Variants in OR3A2 observed in about 807,000 individuals in gnomAD.
OR3A2 encodes olfactory receptor family 3 subfamily A member 2.
For missense variants in OR3A2, 318 were observed against 392.8 expected, an observed-to-expected ratio of 0.81 and a Z score of 1.61; for synonymous variants, 126 against 159.3, an observed-to-expected ratio of 0.79 and a Z score of 1.57.
chr17:3,347,227 T>C (rs1299480966), intron 2 of OR3A2, among the ~76,000 whole-genome samples: 2 of 98,112 alleles, frequency 2.0e-5, no homozygotes, highest in South Asian at 4.7e-4. Context: ...CTGTTTGCCA[T>C]TTGTATGTCT....
chr17:3,334,504 C>T (rs951502317), intron 3 of OR3A2, among the ~76,000 whole-genome samples: 1 of 152,134 alleles, frequency 6.6e-6, no homozygotes, highest in Non-Finnish European at 1.5e-5. Context: ...GAATAATATT[C>T]CATCACTGTA....
At chr17:3,348,925 C>T in intron 2 of OR3A2, among the ~76,000 whole-genome samples, 1 of 151,954 alleles carries the variant, frequency 6.6e-6, no homozygotes, top group East Asian at 1.9e-4. Context: ...CATATCCAGC[C>T]AAACTAAGCT....
chr17:3,323,663 C>T (rs1194149479), intron 3 of OR3A2, among the ~76,000 whole-genome samples: 4 of 151,910 alleles, frequency 2.6e-5, no homozygotes, highest in East Asian at 1.9e-4. Flanking sequence ...AATTCTTTTC[C>T]TTAAGAATGT....
At chr17:3,342,057 G>A (rs113236324) in intron 2 of OR3A2, among the ~76,000 whole-genome samples, 6,020 of 152,016 alleles carry the variant, frequency 0.04, 245 homozygotes, top group African/African-American at 0.098. Context: ...TGATCAAATC[G>A]GCTACTGAAG....
In OR3A2 at chr17:3,313,925, A is replaced by G. The variant is rs186072815; in HGVS notation, c.-85+22108T>C. Among the ~76,000 whole-genome samples, 16 of 152,346 alleles carry G rather than the reference A, an allele frequency of 1.1e-4. No individual in the cohort carries two copies. The East Asian group carries it at 2.9e-3, about 28-fold the overall frequency. The stretch of plus-strand genomic sequence containing the variant: ...ACTTATGATAAGAAATTTGTCTTCC[A>G]CATAGGAAGTCAGTGAAACTGCTAG... On this transcript the variant is annotated intron_variant, in intron 3 of 4. Transcript: ENST00000573491.
upstream of OR3A2, among the ~76,000 whole-genome samples, chr17:3,285,849 G>A (rs2048805485): frequency 6.6e-6 from 1 of 152,196 alleles, no homozygotes. Flanking sequence ...TGTTTGTCAT[G>A]TACATGGTAA....
intron 3 of OR3A2, among the ~76,000 whole-genome samples, chr17:3,332,408 T>C (rs2049243910): frequency 6.6e-6 from 1 of 152,168 alleles, no homozygotes; most frequent in African/African-American, 2.4e-5. Context: ...GGATATAATC[T>C]CATGGTGTGC....
chr17:3,342,830 C>T (rs911724585), intron 2 of OR3A2, among the ~76,000 whole-genome samples: 3 of 152,216 alleles, frequency 2.0e-5, no homozygotes, highest in South Asian at 4.1e-4. Flanking sequence ...CAGACAGGGA[C>T]GTTTAAGTCT....
chr17:3,369,805 C>CTTT (rs35233474), intron 2 of OR3A2, among the ~76,000 whole-genome samples: 5,721 of 134,608 alleles, frequency 0.043, 390 homozygotes, highest in African/African-American at 0.13. Flanking sequence ...TAGATTGGTA[C>CTTT]TTTTTTTTTT....
At chr17:3,296,878 A>G (rs1259465126) in intron 3 of OR3A2, among the ~76,000 whole-genome samples, 1 of 152,226 alleles carries the variant, frequency 6.6e-6, no homozygotes, top group Non-Finnish European at 1.5e-5. Flanking sequence ...CTTTCAAGGA[A>G]TCATTTTTTC....
At chr17:3,382,378 T>C (rs2049744153) in intron 2 of OR3A2, among the ~76,000 whole-genome samples, 1 of 152,224 alleles carries the variant, frequency 6.6e-6, no homozygotes, top group South Asian at 2.1e-4. Flanking sequence ...GTTCTCTCTA[T>C]ATACAGCTTC....
Position 3,292,224 on chromosome 17 carries a change from G to A in OR3A2, c.-84-13071C>T, listed in dbSNP as rs2048879750. 6.2e-6 allele frequency: 10 copies of A among 1,614,148 alleles called. No homozygotes were observed. Among genetic ancestry groups the A allele is most frequent in the Non-Finnish European group, 8.5e-6 (10 of 1,180,024 alleles). ...GGCCAGGAATCGGTCATAGGCCATGGCGGTCAGCAGGAAGCAGTCCACTCC... is the reference window on the plus strand; with the variant it reads ...GGCCAGGAATCGGTCATAGGCCATGACGGTCAGCAGGAAGCAGTCCACTCC... On this transcript the variant is annotated intron_variant, in intron 3 of 4. Coordinates refer to the OR3A2 transcript ENST00000573491.
At chr17:3,299,703 A>G (rs1178409995) in intron 3 of OR3A2, among the ~76,000 whole-genome samples, 1 of 152,150 alleles carries the variant, frequency 6.6e-6, no homozygotes, top group Non-Finnish European at 1.5e-5. Flanking sequence ...AGAGCCTGGT[A>G]AGAAAAACAC....
intron 3 of OR3A2, among the ~76,000 whole-genome samples, chr17:3,303,918 G>GATATAA (rs2048983570): frequency 3.2e-5 from 4 of 126,952 alleles, no homozygotes; most frequent in Non-Finnish European, 3.4e-5. Context: ...TATAGATATA[G>GATATAA]ATATAAATAT....
rs373847834 is a variant in OR3A2, at chr17:3,371,607, C to T, written c.-179+12197G>A. The stretch of plus-strand genomic sequence containing the variant: ...CTCCCTCCCGGACGGGGTGGCTGGC[C>T]GGGCAGAGGGGCTCCTCACTTCCCA... On this transcript the variant is annotated intron_variant, in intron 2 of 4. Coordinates refer to the OR3A2 transcript ENST00000573491. Among the ~76,000 whole-genome samples the T allele has an allele frequency of 2.8e-4, 38 of 135,990 alleles. No individual in the cohort carries two copies. In the East Asian group the frequency reaches 7.4e-3, roughly 27 times the overall value. 89.2% of individuals were successfully genotyped at this position (135,990 alleles called of 152,430 possible).
chr17:3,382,730 G>A (rs899117067), intron 2 of OR3A2, among the ~76,000 whole-genome samples: 79 of 152,262 alleles, frequency 5.2e-4, no homozygotes, highest in Middle Eastern at 6.8e-3. Flanking sequence ...CCACTCCCAA[G>A]CATCTGTATA....
At chr17:3,347,770 T>C (rs2049380411) in intron 2 of OR3A2, among the ~76,000 whole-genome samples, 1 of 152,204 alleles carries the variant, frequency 6.6e-6, no homozygotes, top group Non-Finnish European at 1.5e-5. Flanking sequence ...AGTAATGGGA[T>C]GGCTGGGTCA....
intron 2 of OR3A2, among the ~76,000 whole-genome samples, chr17:3,338,323 G>A (rs1398994734): frequency 6.6e-6 from 1 of 152,056 alleles, no homozygotes; most frequent in Non-Finnish European, 1.5e-5. Context: ...TGCTTTTGGT[G>A]TTTCAGTCAT....
intron 3 of OR3A2, among the ~76,000 whole-genome samples, chr17:3,294,959 GT>G (rs947246146): frequency 8.6e-5 from 13 of 151,580 alleles, no homozygotes; most frequent in African/African-American, 3.1e-4. Context: ...TGTTTTGTTT[GT>G]TTTTTTTAAC....
Sources: allele counts gnomAD v4.1 joint callset (sites outside exome capture counted in the v4.1 genomes callset), GRCh38; gene constraint gnomAD v4.1.1; transcripts MANE v1.5; gene names NCBI Gene and HGNC (gene_info 2026-07-23, HGNC 2026-07-21).